Variants in EPB41L1 observed in about 807,000 individuals in gnomAD.
EPB41L1 encodes the protein band 4.1-like protein 1.
A neutral mutation model predicts 97.8 loss-of-function variants in EPB41L1; 29 were observed. The observed-to-expected ratio is 0.30, with a 90% CI of 0.22 to 0.40. EPB41L1 has a LOEUF of 0.40. EPB41L1 is among the 10% of genes least tolerant of loss of function. EPB41L1 has a pLI of 1.00. For missense variants in EPB41L1, 812 were observed against 1,162.3 expected, an observed-to-expected ratio of 0.70 and a Z score of 4.38; for synonymous variants, 383 against 459.2, an observed-to-expected ratio of 0.83 and a Z score of 2.12.
In EPB41L1 at chr20:36,206,429, A is replaced by C; in HGVS notation, c.1669-3059A>C. On this transcript the variant is annotated intron_variant, in intron 14 of 21. Coordinates refer to ENST00000338074, the MANE Select transcript of EPB41L1 (RefSeq NM_012156.2). The surrounding 1 kb of genome is among the most constrained non-coding windows in gnomAD (Gnocchi z 5.5). ...CCAGCCCACGCAGAAGCCAGAGCTGAGTTGAGCAATGAAACTGATACTTCC... is the reference window on the plus strand; with the variant it reads ...CCAGCCCACGCAGAAGCCAGAGCTGCGTTGAGCAATGAAACTGATACTTCC... The C allele has an allele frequency of 1.6e-6, 2 of 1,289,944 alleles. No individual in the cohort carries two copies. Among genetic ancestry groups the C allele is most frequent in the Non-Finnish European group, 2.0e-6 (2 of 988,876 alleles). The allele number at this position is 1,289,944 out of a possible 1,614,324, so 79.9% of individuals were successfully genotyped here.
intron 2 of EPB41L1, chr20:36,122,774 C>T (rs1268494441): frequency 6.6e-6 from 1 of 152,346 alleles, no homozygotes; most frequent in Non-Finnish European, 1.5e-5. Context: ...CAGCCCCTTT[C>T]CCTTCTTGGA....
chr20:36,126,444 G>C (rs1423073100), intron 2 of EPB41L1, among the ~76,000 whole-genome samples: 1 of 148,166 alleles, frequency 6.7e-6, no homozygotes. Flanking sequence ...TCGGCTCACT[G>C]CAACCTCTGC....
chr20:36,231,172 AG>A lies in EPB41L1; in HGVS notation c.*1834del, dbSNP rs2147262824. On this transcript the variant is annotated 3_prime_UTR_variant, in exon 22 of 22. Coordinates refer to ENST00000338074, the MANE Select transcript of EPB41L1 (RefSeq NM_012156.2). ...TGCCCAGAAATTACCCCAAGACCAC[AG>A]GAACCCTTCAAGAAGCTCCCATCAC... 6.6e-6 allele frequency: 1 copy of A among 152,362 alleles called. No individual in the cohort carries two copies. Among genetic ancestry groups the A allele is most frequent in the South Asian group, 2.1e-4 (1 of 4,824 alleles). The allele number at this position is 152,362 out of a possible 1,614,324, so 9.4% of individuals were successfully genotyped here.
intron 17 of EPB41L1, among the ~76,000 whole-genome samples, chr20:36,215,489 AATT>A (rs953818783): frequency 6.6e-6 from 1 of 152,232 alleles, no homozygotes; most frequent in African/African-American, 2.4e-5. Context: ...ATAGGAAGGT[AATT>A]CCATCAATCT....
In EPB41L1 at chr20:36,190,722, C is replaced by A. The variant is rs776655991; in HGVS notation, c.1225C>A (p.Leu409Ile). ...TQAQTRQASA[L>I]IDRPAPFFER... ...GGCACAGACTCGCCAGGCCAGCGCC[C>A]TCATTGACCGGCCTGCACCCTTCTT... The change falls in exon 11 of 22, where the codon CTC becomes ATC. Residue 409 changes from leucine (L) to isoleucine (I), a missense_variant. Leu to Ile is a conservative substitution (Grantham distance 5). Around this residue, in one of 3 missense-constraint regions of EPB41L1, gnomAD observed 230 missense variants for 445.2 expected, o/e 0.52. Transcript: ENST00000338074. This position sits in a 1 kb window ranked among gnomAD's most constrained non-coding sequence, Gnocchi z 5.8. 6.2e-7 allele frequency: 1 copy of A among 1,614,210 alleles called. No individual in the cohort carries two copies. Among genetic ancestry groups the A allele is most frequent in the Non-Finnish European group, 8.5e-7 (1 of 1,180,044 alleles).
Position 36,206,723 on chromosome 20 carries a change from A to G in EPB41L1, c.1669-2765A>G. 7.8e-7 allele frequency: 1 copy of G among 1,289,886 alleles called. No homozygotes were observed. The highest frequency in any genetic ancestry group is 1.0e-6 in the Non-Finnish European group (1 of 988,880). 79.9% of individuals were successfully genotyped at this position (1,289,886 alleles called of 1,614,324 possible). A position where few individuals can be genotyped will look rare whatever the true frequency, so the allele number is the denominator to read the frequency against. ...GACCTGAAGGGATCTCCCGCAGGAC[A>G]GACGTTTGCTGAAGGCTGGGAAGAT... is the stretch of plus-strand genomic sequence containing the variant. On this transcript the variant is annotated intron_variant, in intron 14 of 21. Transcript: ENST00000338074. This position sits in a 1 kb window ranked among gnomAD's most constrained non-coding sequence, Gnocchi z 5.5.
At chr20:36,149,442 G>C (rs2059960702) in intron 2 of EPB41L1, among the ~76,000 whole-genome samples, 1 of 152,238 alleles carries the variant, frequency 6.6e-6, no homozygotes, top group Non-Finnish European at 1.5e-5. Context: ...TTACAGGGAA[G>C]GGTAAGGTCT....
chr20:36,164,294 G>T (rs1205369725), intron 1 of EPB41L1, among the ~76,000 whole-genome samples: 2 of 152,262 alleles, frequency 1.3e-5, no homozygotes, highest in East Asian at 3.8e-4. Context: ...CGACATGGTT[G>T]TAGGGAGATG....
chr20:36,176,075 AT>A (rs2061214659), intron 3 of EPB41L1, among the ~76,000 whole-genome samples: 2 of 152,086 alleles, frequency 1.3e-5, no homozygotes, highest in African/African-American at 4.8e-5. Flanking sequence ...AATTAGAATC[AT>A]TTTTATATAC....
intron 1 of EPB41L1, among the ~76,000 whole-genome samples, chr20:36,110,053 T>C (rs978602531): frequency 3.9e-5 from 6 of 151,968 alleles, no homozygotes; most frequent in Admixed American, 1.3e-4. Flanking sequence ...GCGATTCTCC[T>C]GCCTTAGCCT....
chr20:36,195,266 A>G lies in EPB41L1; in HGVS notation c.1450-63A>G, dbSNP rs1830646927. 1.3e-6 allele frequency: 2 copies of G among 1,598,394 alleles called. No homozygotes were observed. The highest frequency in any genetic ancestry group is 2.2e-5 in the South Asian group (2 of 90,684). ...CTTGCTGGACCAAGCCCATCGTGGT[A>G]TCTCTAATCCATCTGCTCTACTGAC... On this transcript the variant is annotated intron_variant, in intron 12 of 21. Transcript: ENST00000338074. The surrounding 1 kb of genome is among the most constrained non-coding windows in gnomAD (Gnocchi z 4.6).
upstream of EPB41L1, chr20:36,153,217 A>T (rs184208335): frequency 2.2e-3 from 874 of 392,776 alleles, 3 homozygotes; most frequent in Middle Eastern, 0.018. Flanking sequence ...GAGGCCCTAG[A>T]GTGCCTATGA....
chr20:36,150,840 C>T (rs2060023320), upstream of EPB41L1: 3 of 152,392 alleles, frequency 2.0e-5, no homozygotes, highest in South Asian at 2.1e-4. Context: ...GTATTCAATT[C>T]CTCCAGCCTT....
chr20:36,173,201 T>C lies in EPB41L1; in HGVS notation c.-14-563T>C, dbSNP rs529511414. Among the ~76,000 whole-genome samples the C allele has an allele frequency of 4.6e-5, 7 of 152,350 alleles. No homozygotes were observed. In the East Asian group the frequency reaches 1.2e-3, roughly 25 times the overall value. On this transcript the variant is annotated intron_variant, in intron 1 of 21. Coordinates refer to ENST00000338074, the MANE Select transcript of EPB41L1 (RefSeq NM_012156.2). ...CGTCAAGCCTGCGCGTTTTTTTGTT[T>C]TGTTTTGTTTCAAGTTTCTTCCTGT... is the stretch of plus-strand genomic sequence containing the variant.
chr20:36,201,553 C>T (rs1292689680), intron 14 of EPB41L1, among the ~76,000 whole-genome samples: 3 of 152,222 alleles, frequency 2.0e-5, no homozygotes, highest in Non-Finnish European at 4.4e-5. Context: ...CCTGCGTCTT[C>T]TCTGAACTCC....
At chr20:36,220,418 AG>A (rs911569874) in intron 19 of EPB41L1, among the ~76,000 whole-genome samples, 4 of 152,184 alleles carry the variant, frequency 2.6e-5, no homozygotes, top group Non-Finnish European at 4.4e-5. Flanking sequence ...AAGCACATGT[AG>A]GGGGTGTAAC....
chr20:36,194,970 G>C (rs1294142392), intron 12 of EPB41L1, among the ~76,000 whole-genome samples: 1 of 152,118 alleles, frequency 6.6e-6, no homozygotes, highest in African/African-American at 2.4e-5. Flanking sequence ...GCTTCCTCTT[G>C]GTATAGTTGT....
intron 4 of EPB41L1, 142 bp from the exon 5 acceptor site, chr20:36,178,488 A>G (rs1569219977): frequency 1.2e-6 from 1 of 852,536 alleles, no homozygotes; most frequent in Admixed American, 1.9e-5. Context: ...AGTCCCAAGG[A>G]AAAGGAACCA....
chr20:36,134,112 C>T (rs1468201871), intron 2 of EPB41L1, among the ~76,000 whole-genome samples: 5 of 152,186 alleles, frequency 3.3e-5, no homozygotes, highest in Non-Finnish European at 5.9e-5. Flanking sequence ...AAGGGCCACT[C>T]AGCTAGGAAG....
Sources: allele counts gnomAD v4.1 joint callset (sites outside exome capture counted in the v4.1 genomes callset), GRCh38; gene constraint gnomAD v4.1.1; regional missense constraint gnomAD v4.1.1; non-coding constraint Gnocchi (gnomAD v3.1); transcripts MANE v1.5; gene names NCBI Gene and HGNC (gene_info 2026-07-23, HGNC 2026-07-21).